ITGAE: variants seen among roughly 807,000 people sequenced by gnomAD.
ITGAE encodes the protein integrin subunit alpha E.
A neutral mutation model predicts 136.5 loss-of-function variants in ITGAE; 99 were observed. The ratio of observed to expected loss-of-function variants is 0.73; its 90% CI spans 0.62 to 0.86. ITGAE has a LOEUF of 0.86. ITGAE is among the 40% of genes least tolerant of loss of function. The pLI is 0.00. For missense variants in ITGAE, 1,447 were observed against 1,515.3 expected (o/e 0.95, Z 0.75); for synonymous variants, 613 against 591.8 (o/e 1.04, Z -0.52).
intron 1 of ITGAE, among the ~76,000 whole-genome samples, chr17:3,800,791 C>A (rs1451049039): frequency 1.3e-5 from 2 of 152,192 alleles, no homozygotes; most frequent in Non-Finnish European, 2.9e-5. Flanking sequence ...GAGTCAAGGA[C>A]CTGCCCCAAG....
intron 26 of ITGAE, chr17:3,725,874 C>T (rs927689493): frequency 3.1e-6 from 5 of 1,611,792 alleles, no homozygotes; most frequent in Non-Finnish European, 4.2e-6. Flanking sequence ...GCGCTTTGAG[C>T]ACCGAGACTT....
chr17:3,726,350 G>T (rs934046131), intron 26 of ITGAE: 1 of 1,528,686 alleles, frequency 6.5e-7, no homozygotes, highest in Non-Finnish European at 9.0e-7. Flanking sequence ...GTATCTTACT[G>T]CCCCGAAATG....
chr17:3,770,702 C>T (rs1045927491), intron 2 of ITGAE, among the ~76,000 whole-genome samples: 1 of 152,206 alleles, frequency 6.6e-6, no homozygotes, highest in Admixed American at 6.5e-5. Context: ...ACATCCTCCT[C>T]CCCAGCGTGT....
chr17:3,743,803 A>T (rs2051647643), intron 18 of ITGAE, among the ~76,000 whole-genome samples, 186 bp from the exon 19 acceptor site: 1 of 147,492 alleles, frequency 6.8e-6, no homozygotes, highest in African/African-American at 2.5e-5. Flanking sequence ...CCCGGGTTCA[A>T]GCGATTCTCC....
In ITGAE at chr17:3,760,239, G is replaced by C. The variant is rs761465211; in HGVS notation, c.647C>G (p.Pro216Arg). 1 of 1,613,640 alleles carries C rather than the reference G, an allele frequency of 6.2e-7. No homozygotes were observed. The highest frequency in any genetic ancestry group is 1.3e-5 in the African/African-American group (1 of 74,826). Residue 216 changes from proline to arginine, a missense_variant, in exon 7 of 31, where the codon CCA (proline) becomes CGA (arginine). Coordinates refer to ENST00000263087, the MANE Select transcript of ITGAE (RefSeq NM_002208.5). ...GAAGTCTTTGGCTCTCTGAAAGTCT[G>C]GGGGATCAATGCTTCCTGAGCCATC... is the stretch of plus-strand genomic sequence containing the variant. Reference protein sequence around the residue: ...ILDGSGSIDPPDFQRAKDFIS... With the variant: ...ILDGSGSIDPRDFQRAKDFIS...
At chr17:3,759,356 A>C in intron 8 of ITGAE, 46 bp downstream of exon 8, 3 of 1,591,378 alleles carry the variant, frequency 1.9e-6, no homozygotes, top group Non-Finnish European at 2.6e-6. Context: ...GATGCCACAG[A>C]GACTCTGGGC....
rs1188462655 is a variant in ITGAE, at chr17:3,748,007, G to A, written c.2070C>T (p.Pro690=). ...VRLKVSMAFT[P]SALPIGFNGV... ...CGTTGAAGCCGATGGGCAGTGCGCT[G>A]GGGGTGAAGGCCATGGAGACCTTCA... is the stretch of plus-strand genomic sequence containing the variant. The change falls in exon 17 of 31, where the codon CCC becomes CCT. Residue 690 remains proline, a synonymous_variant. Transcript: ENST00000263087. 2 of 1,613,178 alleles carry A rather than the reference G, an allele frequency of 1.2e-6. No individual in the cohort carries two copies. The highest frequency in any genetic ancestry group is 1.7e-6 in the Non-Finnish European group (2 of 1,179,398).
At chr17:3,725,871 G>C in intron 26 of ITGAE, 1 of 1,610,270 alleles carries the variant, frequency 6.2e-7, no homozygotes, top group Non-Finnish European at 8.5e-7. Flanking sequence ...ACTGCGCTTT[G>C]AGCACCGAGA....
At chr17:3,764,046 T>C in intron 2 of ITGAE, 86 bp from the exon 3 acceptor site, 1 of 918,748 alleles carries the variant, frequency 1.1e-6, no homozygotes, top group Non-Finnish European at 1.7e-6. Context: ...CCATTCCAGT[T>C]GCCTGCACTC....
chr17:3,796,210 T>C (rs1382615193), intron 1 of ITGAE, among the ~76,000 whole-genome samples: 2 of 141,784 alleles, frequency 1.4e-5, no homozygotes, highest in Non-Finnish European at 3.1e-5. Context: ...TAGTTCGCTG[T>C]ATTTGCTGGG....
intron 2 of ITGAE, among the ~76,000 whole-genome samples, chr17:3,771,861 CAT>C (rs1434198364): frequency 6.6e-6 from 1 of 152,136 alleles, no homozygotes; most frequent in African/African-American, 2.4e-5. Context: ...CTGTATGGCA[CAT>C]GTTGATAAAA....
In ITGAE at chr17:3,716,574, T is replaced by C. The variant is rs1326292301; in HGVS notation, c.3444+114A>G. On this transcript the variant is annotated intron_variant, in intron 30 of 30. Coordinates refer to ENST00000263087, the MANE Select transcript of ITGAE (RefSeq NM_002208.5). ...GTGCAGTTGAAGGAGGAGAAAAAAG[T>C]GGCCACGAGGCCAGGGCAGCTGCTC... 8.9e-6 allele frequency: 6 copies of C among 673,850 alleles called. No homozygotes were observed. In the African/African-American group the frequency reaches 9.0e-5, roughly 10 times the overall value. The allele number at this position is 673,850 out of a possible 1,614,324, so 41.7% of individuals were successfully genotyped here.
At chr17:3,719,235 C>T (rs868435690) in intron 29 of ITGAE, among the ~76,000 whole-genome samples, 1 of 66,246 alleles carries the variant, frequency 1.5e-5, no homozygotes, top group African/African-American at 5.8e-5. Flanking sequence ...GATTCTTCCT[C>T]AAAAAAAAAA....
Position 3,759,532 on chromosome 17 carries a change from A to G in ITGAE, c.736T>C (p.Tyr246His), listed in dbSNP as rs1323288034. Residue 246 changes from tyrosine to histidine, a missense_variant, in exon 8 of 31, where the codon TAT (tyrosine) becomes CAT (histidine). Tyr to His is a moderately conservative substitution (Grantham distance 83). Transcript: ENST00000263087. ...CFECNFALVQYGGVIQTEFDL... is the reference protein window; with the variant it reads ...CFECNFALVQHGGVIQTEFDL... Reference sequence around the variant, plus strand: ...AACTCAGTCTGGATCACTCCTCCATACTGCACCAAGGCAAAGTTGCACTGC... The same window carrying G: ...AACTCAGTCTGGATCACTCCTCCATGCTGCACCAAGGCAAAGTTGCACTGC... 6.2e-7 allele frequency: 1 copy of G among 1,613,296 alleles called. No individual in the cohort carries two copies. Among genetic ancestry groups the G allele is most frequent in the South Asian group, 1.1e-5 (1 of 91,056 alleles).
In ITGAE at chr17:3,785,492, GAAGGAGGAAGGAAGGAAGGAAGGA is replaced by G. The variant is rs1381067003; in HGVS notation, c.35-7856_35-7833del. On this transcript the variant is annotated intron_variant, in intron 1 of 30. Transcript: ENST00000263087. ...AGAAGAAAGAAAGGAAGGAAGGAAG[GAAGGAGGAAGGAAGGAAGGAAGGA>G]AGGAAGGAAGGAAGGAAGGAAGGAA... Among the ~76,000 whole-genome samples the G allele has an allele frequency of 2.2e-3, 293 of 134,978 alleles. 5 individuals are homozygous for G. Among genetic ancestry groups the G allele is most frequent in the African/African-American group, 7.9e-3 (266 of 33,844 alleles). 88.6% of individuals were successfully genotyped at this position (134,978 alleles called of 152,430 possible). A position where few individuals can be genotyped will look rare whatever the true frequency, so the allele number is the denominator to read the frequency against.
In ITGAE at chr17:3,731,488, C is replaced by G. The variant is rs144684602; in HGVS notation, c.2755-305G>C. On this transcript the variant is annotated intron_variant, in intron 22 of 30. Transcript: ENST00000263087. ...TCCCAAGTAGCTGGGATTACAGGCA[C>G]GCACCACCACGCCCAGCTAATTTTT... is the stretch of plus-strand genomic sequence containing the variant. Among the ~76,000 whole-genome samples the G allele has an allele frequency of 3.3e-5, 5 of 151,682 alleles. No individual in the cohort carries two copies. In the East Asian group the frequency reaches 9.9e-4, roughly 30 times the overall value.
At chr17:3,744,141 G>C (rs75755970) in intron 18 of ITGAE, among the ~76,000 whole-genome samples, 2,708 of 151,936 alleles carry the variant, frequency 0.018, 52 homozygotes, top group South Asian at 0.047. Context: ...CTCCCAAAGT[G>C]CTGGGATTTC....
rs544331982 is a variant in ITGAE, at chr17:3,799,430, C to T, written c.34+1681G>A. 1.3e-4 allele frequency among the ~76,000 whole-genome samples: 20 copies of T among 152,206 alleles called. No homozygotes were observed. Among genetic ancestry groups the T allele is most frequent in the African/African-American group, 2.6e-4 (11 of 41,558 alleles). On this transcript the variant is annotated intron_variant, in intron 1 of 30. Transcript: ENST00000263087. The surrounding 1 kb of genome is among the most constrained non-coding windows in gnomAD (Gnocchi z 4.1). The stretch of plus-strand genomic sequence containing the variant: ...GCCTAGGCCTCAAAAGAGGTTTGAT[C>T]GATGCCACCTGCTGGAAAAGGCACT...
Position 3,782,340 on chromosome 17 carries a change from A to AGTGT in ITGAE, c.35-4684_35-4681dup, listed in dbSNP as rs151134975. On this transcript the variant is annotated intron_variant, in intron 1 of 30. Coordinates refer to ENST00000263087, the MANE Select transcript of ITGAE (RefSeq NM_002208.5). Reference sequence around the variant, plus strand: ...ATGCCACTCCATTGCTTAAATCTCTAGTGTGTGTGTGTGTGTGTGTGTGTG... The same window carrying AGTGT: ...ATGCCACTCCATTGCTTAAATCTCTAGTGTGTGTGTGTGTGTGTGTGTGTGTGTG... Among the ~76,000 whole-genome samples, 944 of 109,594 alleles carry AGTGT rather than the reference A, an allele frequency of 8.6e-3. 2 individuals are homozygous for AGTGT. Among genetic ancestry groups the AGTGT allele is most frequent in the Middle Eastern group, 0.023 (5 of 214 alleles). 71.9% of individuals were successfully genotyped at this position (109,594 alleles called of 152,430 possible).
Sources: allele counts gnomAD v4.1 joint callset (sites outside exome capture counted in the v4.1 genomes callset), GRCh38; gene constraint gnomAD v4.1.1; non-coding constraint Gnocchi (gnomAD v3.1); transcripts MANE v1.5; gene names NCBI Gene and HGNC (gene_info 2026-07-23, HGNC 2026-07-21).